Variants in FBLN7 observed in about 807,000 individuals in gnomAD.
The protein encoded by FBLN7 is fibulin-7.
Under a neutral mutation model 44.0 loss-of-function variants are expected in FBLN7, and 31 were observed. The observed-to-expected ratio is 0.70, with a 90% CI of 0.53 to 0.95. The LOEUF (loss-of-function observed/expected upper bound fraction) is 0.95. FBLN7 is among the 40% of genes least tolerant of loss of function. FBLN7 has a pLI of 0.00. For missense variants in FBLN7, 573 were observed against 618.5 expected, an observed-to-expected ratio of 0.93 and a Z score of 0.78; for synonymous variants, 262 against 253.4, an observed-to-expected ratio of 1.03 and a Z score of -0.32.
chr2:112,208,740 T>C, the FBLN7 span, among the ~76,000 whole-genome samples: 10 of 152,328 alleles, frequency 6.6e-5, no homozygotes, highest in Admixed American at 6.5e-4. Flanking sequence ...TTTAATATTA[T>C]CTACATGCTG....
At chr2:112,231,852 C>T in the FBLN7 span, 1 of 1,580,582 alleles carries the variant, frequency 6.3e-7, no homozygotes, top group South Asian at 1.2e-5. Context: ...GCCAACAATT[C>T]TTGTGTTTCA....
chr2:112,204,836 A>C, the FBLN7 span, among the ~76,000 whole-genome samples: 1 of 152,198 alleles, frequency 6.6e-6, no homozygotes, highest in Non-Finnish European at 1.5e-5. Flanking sequence ...AGAACACTCG[A>C]GAGTAACTTG....
the FBLN7 span, among the ~76,000 whole-genome samples, chr2:112,219,176 T>G: frequency 1.3e-5 from 2 of 152,294 alleles, no homozygotes; most frequent in African/African-American, 4.8e-5. Flanking sequence ...AGACTCACAC[T>G]TCCTGAGTTC....
chr2:112,191,467 G>A (rs1450091092), downstream of FBLN7, among the ~76,000 whole-genome samples: 3 of 152,034 alleles, frequency 2.0e-5, no homozygotes, highest in Admixed American at 6.6e-5. Flanking sequence ...TAGCCACCGC[G>A]CCTGGCCTTG....
rs781725463 is a variant in FBLN7, at chr2:112,187,187, C to G, written c.1001C>G (p.Pro334Arg). The change falls in exon 8 of 8, where the codon CCC becomes CGC. Residue 334 changes from proline to arginine, a missense_variant. Coordinates refer to ENST00000331203, the MANE Select transcript of FBLN7 (RefSeq NM_153214.3). The surrounding 1 kb of genome is among the most constrained non-coding windows in gnomAD (Gnocchi z 5.1). ...PMDSRPCRHL[P>R]KTISFHYLSL... ...GACAGCAGGCCCTGCCGCCATCTGCCCAAGACCATCTCCTTCCATTACCTC... is the reference window on the plus strand; with the variant it reads ...GACAGCAGGCCCTGCCGCCATCTGCGCAAGACCATCTCCTTCCATTACCTC... 4.3e-6 allele frequency: 7 copies of G among 1,614,036 alleles called. No homozygotes were observed. The highest frequency in any genetic ancestry group is 5.9e-6 in the Non-Finnish European group (7 of 1,180,018).
chr2:112,236,753 T>A, the FBLN7 span: 12 of 1,481,988 alleles, frequency 8.1e-6, no homozygotes, highest in South Asian at 6.2e-5. Context: ...AGTTTACTTT[T>A]AAGAAGTACG....
In FBLN7 at chr2:112,187,113, C is replaced by T. The variant is rs1026006745; in HGVS notation, c.948-21C>T. On this transcript the variant is annotated intron_variant, in intron 7 of 7. Coordinates refer to ENST00000331203, the MANE Select transcript of FBLN7 (RefSeq NM_153214.3). The surrounding 1 kb of genome is among the most constrained non-coding windows in gnomAD (Gnocchi z 5.1). ...GAGACTCCCCAAGGCTGACTGCCTC[C>T]ATTTTGCCTCTCCGCTCCAGCCAGT... The T allele has an allele frequency of 1.9e-6, 3 of 1,610,176 alleles. No homozygotes were observed. The highest frequency in any genetic ancestry group is 2.7e-5 in the African/African-American group (2 of 74,886).
At chr2:112,231,320 T>C in the FBLN7 span, among the ~76,000 whole-genome samples, 3 of 152,136 alleles carry the variant, frequency 2.0e-5, no homozygotes, top group East Asian at 5.8e-4. Flanking sequence ...TTTTCATGTA[T>C]ACTTAGATTA....
At chr2:112,172,656 CAG>C (rs1682530928) in intron 3 of FBLN7, among the ~76,000 whole-genome samples, 1 of 104,108 alleles carries the variant, frequency 9.6e-6, no homozygotes, top group Non-Finnish European at 1.8e-5. Flanking sequence ...TTTTTTGAGA[CAG>C]AGTCTCACTC....
At chr2:112,221,821 T>C in the FBLN7 span, among the ~76,000 whole-genome samples, 2 of 152,188 alleles carry the variant, frequency 1.3e-5, no homozygotes, top group African/African-American at 4.8e-5. Flanking sequence ...CTGTATGTCA[T>C]TGATCTTTGT....
the FBLN7 span, among the ~76,000 whole-genome samples, chr2:112,242,627 A>C: frequency 6.6e-6 from 1 of 152,238 alleles, no homozygotes; most frequent in African/African-American, 2.4e-5. Flanking sequence ...TATACTGTCA[A>C]GTCAGACGGC....
the FBLN7 span, among the ~76,000 whole-genome samples, chr2:112,197,951 A>G: frequency 9.2e-5 from 14 of 152,174 alleles, no homozygotes; most frequent in African/African-American, 3.4e-4. Context: ...AAGATGAAAC[A>G]AGGGGCTCAA....
rs368883922 is a variant in FBLN7, at chr2:112,175,822, A to C, written c.515A>C (p.Gln172Pro). ...CPPGRTGNRC[Q>P]HQAQTAAPEG... ...CCAGGAAGGACTGGGAACCGCTGTC[A>C]GCATCAGGCCCAGACTGGTATGTAG... The change falls in exon 4 of 8, where the codon CAG becomes CCG. Residue 172 changes from glutamine (Q) to proline (P), a missense_variant. Physicochemically the swap from Gln to Pro is moderately conservative, Grantham distance 76. Coordinates refer to ENST00000331203, the MANE Select transcript of FBLN7 (RefSeq NM_153214.3). The C allele has an allele frequency of 9.2e-5, 148 of 1,614,060 alleles. 1 individual carries two copies. Among genetic ancestry groups the C allele is most frequent in the Non-Finnish European group, 1.2e-4 (138 of 1,180,014 alleles).
At chr2:112,235,106 A>G in the FBLN7 span, among the ~76,000 whole-genome samples, 1 of 152,230 alleles carries the variant, frequency 6.6e-6, no homozygotes. Context: ...AACATAAGGT[A>G]CTTTTTACAT....
At chr2:112,184,486 G>A (rs1024434073) in intron 6 of FBLN7, among the ~76,000 whole-genome samples, 1 of 152,084 alleles carries the variant, frequency 6.6e-6, no homozygotes, top group African/African-American at 2.4e-5. Context: ...TTGGGGTTGG[G>A]AGGGACGGCC....
At chr2:112,194,160 T>C in the FBLN7 span, among the ~76,000 whole-genome samples, 4 of 152,132 alleles carry the variant, frequency 2.6e-5, no homozygotes, top group Non-Finnish European at 5.9e-5. Context: ...ACCTAAAGAC[T>C]AGGACCGATA....
At chr2:112,148,848 G>A (rs145852826) in intron 1 of FBLN7, among the ~76,000 whole-genome samples, 9 of 152,358 alleles carry the variant, frequency 5.9e-5, no homozygotes, top group Non-Finnish European at 1.0e-4. Context: ...TGGAACTGGA[G>A]CATGACTTCC....
At chr2:112,223,149 C>A in the FBLN7 span, among the ~76,000 whole-genome samples, 2 of 151,668 alleles carry the variant, frequency 1.3e-5, no homozygotes, top group African/African-American at 2.4e-5. Context: ...AGGAGATATA[C>A]CTAATGTAAA....
chr2:112,225,820 G>A, the FBLN7 span, among the ~76,000 whole-genome samples: 2 of 150,272 alleles, frequency 1.3e-5, no homozygotes, highest in Non-Finnish European at 3.0e-5. Context: ...GGTGGCTCAC[G>A]CCTGTAATCC....
Sources: allele counts gnomAD v4.1 joint callset (sites outside exome capture counted in the v4.1 genomes callset), GRCh38; gene constraint gnomAD v4.1.1; non-coding constraint Gnocchi (gnomAD v3.1); transcripts MANE v1.5; gene names NCBI Gene and HGNC (gene_info 2026-07-23, HGNC 2026-07-21).